Variants in MIGA2 observed in about 807,000 individuals in gnomAD.
The protein encoded by MIGA2 is mitoguardin 2, also known as family with sequence similarity 73, member B.
Under a neutral mutation model 69.9 loss-of-function variants are expected in MIGA2, and 36 were observed. That is an observed-to-expected ratio of 0.52 (90% CI 0.39 to 0.68). MIGA2 has a LOEUF of 0.68. Ranked by LOEUF, MIGA2 falls within the 30% of genes least tolerant of loss-of-function variation. MIGA2 has a pLI of 0.00. For synonymous variants in MIGA2, 333 were observed against 349.2 expected (o/e 0.95, Z 0.52); for missense variants, 660 against 787.7 (o/e 0.84, Z 1.94).
intron 6 of MIGA2, among the ~76,000 whole-genome samples, chr9:129,058,561 G>A (rs988129669): frequency 5.5e-5 from 8 of 145,186 alleles, no homozygotes; most frequent in African/African-American, 1.3e-4. Context: ...GTGCAATGGC[G>A]CGATCTTGGC....
chr9:129,059,086 T>G lies in MIGA2; in HGVS notation c.676-68T>G. 1 of 1,396,420 alleles carries G rather than the reference T, an allele frequency of 7.2e-7. No individual in the cohort carries two copies. The highest frequency in any genetic ancestry group is 1.0e-6 in the Non-Finnish European group (1 of 987,594). The allele number at this position is 1,396,420 out of a possible 1,614,324, so 86.5% of individuals were successfully genotyped here. A position where few individuals can be genotyped will look rare whatever the true frequency, so the allele number is the denominator to read the frequency against. ...TCCCCTTTCCCCAGGGACCTGGGGG[T>G]GAGGGAAGGGGCCATTTTCATCGGG... On this transcript the variant is annotated intron_variant, in intron 6 of 15. Transcript: ENST00000684074. This position sits in a 1 kb window ranked among gnomAD's most constrained non-coding sequence, Gnocchi z 5.6.
intron 11 of MIGA2, among the ~76,000 whole-genome samples, chr9:129,064,451 C>T (rs1276206361): frequency 6.6e-6 from 1 of 152,046 alleles, no homozygotes; most frequent in Non-Finnish European, 1.5e-5. Flanking sequence ...TCGTGATCCG[C>T]CCGCCTCGGC....
Position 129,060,462 on chromosome 9 carries a change from G to A in MIGA2, c.794-88G>A, listed in dbSNP as rs1846007377. 9.3e-7 allele frequency: 1 copy of A among 1,075,394 alleles called. No individual in the cohort carries two copies. Among genetic ancestry groups the A allele is most frequent in the Non-Finnish European group, 1.4e-6 (1 of 736,146 alleles). 66.6% of individuals were successfully genotyped at this position (1,075,394 alleles called of 1,614,324 possible). A position where few individuals can be genotyped will look rare whatever the true frequency, so the allele number is the denominator to read the frequency against. On this transcript the variant is annotated intron_variant, in intron 7 of 15. Transcript: ENST00000684074. The surrounding 1 kb of genome is among the most constrained non-coding windows in gnomAD (Gnocchi z 4.8). ...CAGGCTCGGGATGAAGCCTCCCCTG[G>A]GCCTGATGGGGGACTTCGTGTACCG...
intron 6 of MIGA2, 49 bp downstream of exon 6, chr9:129,050,012 C>T: frequency 6.3e-7 from 1 of 1,575,850 alleles, no homozygotes; most frequent in South Asian, 1.1e-5. Context: ...AAGTTGGCAG[C>T]ACAGGAGAGG....
intron 3 of MIGA2, among the ~76,000 whole-genome samples, chr9:129,046,832 G>A (rs1469854042): frequency 6.6e-6 from 1 of 151,066 alleles, no homozygotes; most frequent in Non-Finnish European, 1.5e-5. Flanking sequence ...AGGTTGGAAT[G>A]CAGTGGCACA....
Position 129,068,664 on chromosome 9 carries a change from G to A in MIGA2, c.1404+332G>A. ...GAAAGCAAAACCAAAAGGAAAAAAA[G>A]GCACAGAGTGAGAGACAACCCAGCA... On this transcript the variant is annotated intron_variant, in intron 13 of 15. Coordinates refer to ENST00000684074, the MANE Select transcript of MIGA2 (RefSeq NM_001329990.2). The surrounding 1 kb of genome is among the most constrained non-coding windows in gnomAD (Gnocchi z 4.1). 2.4e-6 allele frequency: 1 copy of A among 414,136 alleles called. No individual in the cohort carries two copies. Among genetic ancestry groups the A allele is most frequent in the South Asian group, 3.1e-5 (1 of 31,746 alleles). The allele number at this position is 414,136 out of a possible 1,614,324, so 25.7% of individuals were successfully genotyped here. A position where few individuals can be genotyped will look rare whatever the true frequency, so the allele number is the denominator to read the frequency against.
Position 129,068,890 on chromosome 9 carries a change from T to C in MIGA2, c.1405-186T>C, listed in dbSNP as rs116123428. The C allele has an allele frequency of 3.6e-3, 2,459 of 681,624 alleles. 41 individuals are homozygous for C. In the African/African-American group the frequency reaches 0.038, roughly 11 times the overall value. The allele number at this position is 681,624 out of a possible 1,614,324, so 42.2% of individuals were successfully genotyped here. The stretch of plus-strand genomic sequence containing the variant: ...CCAGCAGTAAGATTAGAGTCAAGAT[T>C]CAAGTTTAGGTATGTCTGAGTCCAA... On this transcript the variant is annotated intron_variant, in intron 13 of 15. Coordinates refer to ENST00000684074, the MANE Select transcript of MIGA2 (RefSeq NM_001329990.2). The surrounding 1 kb of genome is among the most constrained non-coding windows in gnomAD (Gnocchi z 4.1).
intron 1 of MIGA2, among the ~76,000 whole-genome samples, chr9:129,038,391 C>T (rs1235242310): frequency 6.6e-6 from 1 of 152,144 alleles, no homozygotes; most frequent in Non-Finnish European, 1.5e-5. Flanking sequence ...GCTTGAGGTC[C>T]CGGGAGACCT....
intron 1 of MIGA2, chr9:129,039,732 G>T (rs201463139): frequency 6.3e-4 from 1 of 1,598 alleles, no homozygotes; most frequent in Non-Finnish European, 1.2e-3. Flanking sequence ...CTAGTTTTTT[G>T]TTTGTTTGTT....
intron 6 of MIGA2, among the ~76,000 whole-genome samples, chr9:129,057,847 C>T (rs1845875181): frequency 6.6e-6 from 1 of 152,038 alleles, no homozygotes; most frequent in African/African-American, 2.4e-5. Context: ...CTCAAGGGAT[C>T]CTCCTGCCTC....
In MIGA2 at chr9:129,061,667, A is replaced by G. The variant is rs1363173236; in HGVS notation, c.1010+321A>G. Among the ~76,000 whole-genome samples the G allele has an allele frequency of 3.3e-5, 5 of 152,250 alleles. No homozygotes were observed. The highest frequency in any genetic ancestry group is 1.2e-4 in the African/African-American group (5 of 41,464). On this transcript the variant is annotated intron_variant, in intron 9 of 15. Coordinates refer to ENST00000684074, the MANE Select transcript of MIGA2 (RefSeq NM_001329990.2). The surrounding 1 kb of genome is among the most constrained non-coding windows in gnomAD (Gnocchi z 5.0). The stretch of plus-strand genomic sequence containing the variant: ...ACACTGAAAAAAAAATTGGAATGAT[A>G]CAGAGAAGATGAACGTGGTCCCGGC...
Position 129,061,374 on chromosome 9 carries a change from G to A in MIGA2, c.1010+28G>A. 2.0e-6 allele frequency: 3 copies of A among 1,531,212 alleles called. No individual in the cohort carries two copies. Among genetic ancestry groups the A allele is most frequent in the South Asian group, 1.2e-5 (1 of 86,728 alleles). 94.9% of individuals were successfully genotyped at this position (1,531,212 alleles called of 1,614,324 possible). ...GAGCAGGTGTGGAGGGAGGGAGGGAGGGAGCAGGAGGCGATGGGTGATTCT... is the reference window on the plus strand; with the variant it reads ...GAGCAGGTGTGGAGGGAGGGAGGGAAGGAGCAGGAGGCGATGGGTGATTCT... On this transcript the variant is annotated intron_variant, in intron 9 of 15. Coordinates refer to ENST00000684074, the MANE Select transcript of MIGA2 (RefSeq NM_001329990.2). This position sits in a 1 kb window ranked among gnomAD's most constrained non-coding sequence, Gnocchi z 5.0.
rs1844854964 is a variant in MIGA2, at chr9:129,040,705, G to T, written c.96+15G>T. 1.9e-6 allele frequency: 3 copies of T among 1,608,760 alleles called. No individual in the cohort carries two copies. Among genetic ancestry groups the T allele is most frequent in the Non-Finnish European group, 2.6e-6 (3 of 1,176,266 alleles). ...CGTTTGGGCAGGTAAGGATCAGGGT[G>T]GGTTGTACCTCTGGTCTATGAAACA... On this transcript the variant is annotated intron_variant, in intron 2 of 15. Coordinates refer to ENST00000684074, the MANE Select transcript of MIGA2 (RefSeq NM_001329990.2).
intron 3 of MIGA2, among the ~76,000 whole-genome samples, chr9:129,048,017 C>T (rs760193704): frequency 1.3e-5 from 2 of 152,196 alleles, no homozygotes; most frequent in African/African-American, 2.4e-5. Flanking sequence ...AGGTGTGAGC[C>T]ACCGTGCCCG....
At chr9:129,054,894 T>C (rs1845715439) in intron 6 of MIGA2, among the ~76,000 whole-genome samples, 2 of 152,268 alleles carry the variant, frequency 1.3e-5, no homozygotes, top group South Asian at 4.1e-4. Flanking sequence ...GATAATTCCA[T>C]GTTTAACTTT....
chr9:129,036,769 G>T (rs748785058), intron 1 of MIGA2, 88 bp downstream of exon 1: 19 of 188,910 alleles, frequency 1.0e-4, no homozygotes, highest in Non-Finnish European at 1.7e-4. Context: ...AGGCGCAGGT[G>T]TCCGGGCCCA....
rs545528024 is a variant in MIGA2 at position 129,043,744 on chromosome 9, G to A, written c.307+1230G>A. Among the ~76,000 whole-genome samples the A allele has an allele frequency of 9.3e-5, 14 of 151,138 alleles. No homozygotes were observed. In the East Asian group the frequency reaches 1.2e-3, roughly 13 times the overall value. On this transcript the variant is annotated intron_variant, in intron 3 of 15. Coordinates refer to ENST00000684074, the MANE Select transcript of MIGA2 (RefSeq NM_001329990.2). Reference sequence around the variant, plus strand: ...GACGGAGTCTCACTCTCTGTCACCCGGGCTGGAGTGCTGTGGCATGATCTT... The same window carrying A: ...GACGGAGTCTCACTCTCTGTCACCCAGGCTGGAGTGCTGTGGCATGATCTT...
chr9:129,067,629 G>A (rs1434285542), intron 11 of MIGA2, 144 bp from the exon 12 acceptor site: 1 of 698,354 alleles, frequency 1.4e-6, no homozygotes, highest in African/African-American at 1.8e-5. Flanking sequence ...TGCTGAGTAG[G>A]AGACACTTCT....
chr9:129,042,639 T>C, intron 3 of MIGA2, 125 bp downstream of exon 3: 1 of 985,660 alleles, frequency 1.0e-6, no homozygotes, highest in Non-Finnish European at 1.5e-6. Context: ...CAAGGTCTCC[T>C]GATCTGTGAG....
Sources: gnomAD v4.1 joint callset for allele counts (sites outside exome capture counted in the v4.1 genomes callset) on GRCh38, gnomAD v4.1.1 for gene constraint, Gnocchi (gnomAD v3.1) non-coding constraint, MANE v1.5 for transcripts, NCBI Gene and HGNC (gene_info 2026-07-23, HGNC 2026-07-21) for gene names.